The following LMNB2 variants were observed in gnomAD, a reference collection of about 807,000 sequenced individuals.
LMNB2 encodes the protein lamin B2.
In LMNB2, 17 loss-of-function variants were observed where a neutral mutation model predicts 69.3. The observed-to-expected ratio is 0.25, with a 90% CI of 0.17 to 0.37. LMNB2 has a LOEUF of 0.37. Ranked by LOEUF, LMNB2 falls within the 10% of genes least tolerant of loss-of-function variation. The pLI, the probability that LMNB2 is intolerant of heterozygous loss-of-function variation, is 1.00. For missense variants in LMNB2, 789 were observed against 883.6 expected (o/e 0.89, Z 1.36); for synonymous variants, 397 against 389.3 (o/e 1.02, Z -0.23).
intron 1 of LMNB2, among the ~76,000 whole-genome samples, chr19:2,449,855 C>G (rs571324582): frequency 6.6e-6 from 1 of 151,434 alleles, no homozygotes; most frequent in Non-Finnish European, 1.5e-5. Context: ...GCAGTTGGAT[C>G]ACCTGAGGTC....
In LMNB2 at chr19:2,430,707, C is replaced by T. The variant is rs1971728708; in HGVS notation, c.*204G>A. 1.5e-6 allele frequency: 1 copy of T among 655,896 alleles called. No individual in the cohort carries two copies. Among genetic ancestry groups the T allele is most frequent in the Admixed American group, 2.1e-5 (1 of 47,256 alleles). The allele number at this position is 655,896 out of a possible 1,614,324, so 40.6% of individuals were successfully genotyped here. On this transcript the variant is annotated 3_prime_UTR_variant, in exon 12 of 12. Coordinates refer to ENST00000325327, the MANE Select transcript of LMNB2 (RefSeq NM_032737.4). ...GAGGAGTGGGGTGGGATTGAAAAGT[C>T]TCCGGGGCAGCGGCGAAGTGGCAGC...
chr19:2,450,121 C>CATATATATATATATATATAT (rs944605865), intron 1 of LMNB2, among the ~76,000 whole-genome samples: 33 of 142,422 alleles, frequency 2.3e-4, no homozygotes, highest in African/African-American at 8.6e-4. Context: ...TATATATACA[C>CATATATATATATATATATAT]ATATATATAT....
At chr19:2,439,035 C>CT (rs397945879) in intron 2 of LMNB2, among the ~76,000 whole-genome samples, 3,338 of 65,616 alleles carry the variant, frequency 0.051, 596 homozygotes, top group East Asian at 0.082. Flanking sequence ...GGCACTTAAG[C>CT]TTTTTTTTTT....
intron 1 of LMNB2, among the ~76,000 whole-genome samples, chr19:2,452,279 A>G (rs892821017): frequency 8.5e-5 from 13 of 152,142 alleles, no homozygotes; most frequent in African/African-American, 2.9e-4. Context: ...GAAAGAAGTG[A>G]GCAAGTTAGC....
At position 2,456,879 on chromosome 19, in the gene LMNB2, C is replaced by T. The variant is rs3764582; in HGVS notation, c.55G>A (p.Ala19Thr). The change falls in exon 1 of 12, where the codon GCC becomes ACC. Residue 19 changes from alanine to threonine, a missense_variant. Ala to Thr is a moderately conservative substitution (Grantham distance 58). This residue lies in a region of LMNB2 where 35 missense variants were observed against 23.9 expected (regional missense o/e 1.47). Coordinates refer to ENST00000325327, the MANE Select transcript of LMNB2 (RefSeq NM_032737.4). Reference protein sequence around the residue: ...RREQRRPRAAATMATPLPGRA... With the variant: ...RREQRRPRAATTMATPLPGRA... ...CCGGGCAGCGGCGTGGCCATGGTGG[C>T]GGCGGCTCGCGGCCTGCGCTGCTCC... 27,175 of 1,089,934 alleles carry T rather than the reference C, an allele frequency of 0.025. 354 individuals carry two copies. The highest frequency in any genetic ancestry group is 0.1 in the East Asian group (1,634 of 16,410). The allele number at this position is 1,089,934 out of a possible 1,614,324, so 67.5% of individuals were successfully genotyped here. A position where few individuals can be genotyped will look rare whatever the true frequency, so the allele number is the denominator to read the frequency against.
At chr19:2,434,726 T>G in intron 6 of LMNB2, 62 bp downstream of exon 6, 1 of 1,558,264 alleles carries the variant, frequency 6.4e-7, no homozygotes, top group Non-Finnish European at 8.7e-7. Context: ...GCCCCGCACA[T>G]CCAGGGCAGG....
intron 4 of LMNB2, among the ~76,000 whole-genome samples, chr19:2,435,485 C>T (rs1971811508): frequency 6.6e-6 from 1 of 152,172 alleles, no homozygotes; most frequent in Non-Finnish European, 1.5e-5. Flanking sequence ...ATGAAATGTC[C>T]TGAAATGTCC....
chr19:2,433,961 T>G lies in LMNB2; in HGVS notation c.1347A>C (p.Pro449=), dbSNP rs1455237682. The G allele has an allele frequency of 2.5e-6, 4 of 1,611,302 alleles. No homozygotes were observed. The highest frequency in any genetic ancestry group is 1.3e-5 in the African/African-American group (1 of 74,918). ...CACCCGTGCCCGTGCCCAGGACGCT[T>G]GGGCCGCTGCCCAAGGGCTCCTCCA... ...LEVEEPLGSG[P]SVLGTGTGGS... Residue 449 remains proline, a synonymous_variant, in exon 8 of 12, where the codon CCA becomes CCC. Transcript: ENST00000325327.
intron 1 of LMNB2, among the ~76,000 whole-genome samples, chr19:2,455,701 G>A (rs1399851922): frequency 6.6e-6 from 1 of 152,124 alleles, no homozygotes; most frequent in Non-Finnish European, 1.5e-5. Context: ...ACCCCCTGGA[G>A]GTCCCCAAGA....
At position 2,435,155 on chromosome 19, in the gene LMNB2, C is replaced by T. The variant is rs761064508; in HGVS notation, c.701G>A (p.Arg234Gln). Reference protein sequence around the residue: ...SVFEEEVRETRRRHERRLVEV... With the variant: ...SVFEEEVRETQRRHERRLVEV... ...CACCAGGCGCCGCTCGTGCCGCCGCCGCGTCTCCCGCACCTCCTGCGGACC... is the reference window on the plus strand; with the variant it reads ...CACCAGGCGCCGCTCGTGCCGCCGCTGCGTCTCCCGCACCTCCTGCGGACC... The change falls in exon 5 of 12, where the codon CGG becomes CAG. Residue 234 changes from arginine to glutamine, a missense_variant. Coordinates refer to ENST00000325327, the MANE Select transcript of LMNB2 (RefSeq NM_032737.4). 11 of 1,602,824 alleles carry T rather than the reference C, an allele frequency of 6.9e-6. No homozygotes were observed. Among genetic ancestry groups the T allele is most frequent in the South Asian group, 2.2e-5 (2 of 91,042 alleles).
chr19:2,432,552 C>T lies in LMNB2; in HGVS notation c.1483-29G>A, dbSNP rs766745137. The stretch of plus-strand genomic sequence containing the variant: ...GAAGACACGGCACACACCTGACCCT[C>T]AGCCACCAGGACTGTGACACCGCCC... On this transcript the variant is annotated intron_variant, in intron 8 of 11. Coordinates refer to ENST00000325327, the MANE Select transcript of LMNB2 (RefSeq NM_032737.4). 3 of 1,580,664 alleles carry T rather than the reference C, an allele frequency of 1.9e-6. No homozygotes were observed. In the Admixed American group the frequency reaches 5.0e-5, roughly 26 times the overall value.
At chr19:2,442,265 G>C (rs959485543) in intron 2 of LMNB2, among the ~76,000 whole-genome samples, 2 of 152,132 alleles carry the variant, frequency 1.3e-5, no homozygotes, top group Admixed American at 1.3e-4. Context: ...AGACCAGCTT[G>C]AGCAACATAG....
intron 1 of LMNB2, among the ~76,000 whole-genome samples, chr19:2,454,392 TC>T (rs1972065983): frequency 6.6e-6 from 1 of 151,776 alleles, no homozygotes; most frequent in African/African-American, 2.4e-5. Context: ...TCTTTCAGGT[TC>T]CCTGTCCCCA....
In LMNB2 at chr19:2,443,488, T is replaced by C. The variant is rs1439190706; in HGVS notation, c.401+916A>G. Among the ~76,000 whole-genome samples, 1 of 148,204 alleles carries C rather than the reference T, an allele frequency of 6.7e-6. No homozygotes were observed. Among genetic ancestry groups the C allele is most frequent in the Non-Finnish European group, 1.5e-5 (1 of 66,588 alleles). ...TGGCTGCTGTCACCCCCGTACCAGG[T>C]GGCCGAGGTGCCACCCCTCCTGCCA... On this transcript the variant is annotated intron_variant, in intron 2 of 11. Transcript: ENST00000325327. This position sits in a 1 kb window ranked among gnomAD's most constrained non-coding sequence, Gnocchi z 6.2.
chr19:2,454,002 C>G (rs540007192), intron 1 of LMNB2, among the ~76,000 whole-genome samples: 1 of 152,242 alleles, frequency 6.6e-6, no homozygotes, highest in East Asian at 1.9e-4. Context: ...AATTGAAAAG[C>G]AGGGGACTGG....
chr19:2,431,761 C>A lies in LMNB2; in HGVS notation c.1710+22G>T. 2.5e-6 allele frequency: 4 copies of A among 1,613,786 alleles called. No homozygotes were observed. The East Asian group carries it at 8.9e-5, about 36-fold the overall frequency. On this transcript the variant is annotated intron_variant, in intron 10 of 11. Coordinates refer to ENST00000325327, the MANE Select transcript of LMNB2 (RefSeq NM_032737.4). ...CCTGCCCAGGACTCCAGCCGAGCAC[C>A]CCCCAAGCCACACACACCCACCTCG...
At position 2,456,923 on chromosome 19, in the gene LMNB2, G is replaced by A. The variant is rs1255813804; in HGVS notation, c.11C>T (p.Pro4Leu). Residue 4 changes from proline (P) to leucine (L), a missense_variant, in exon 1 of 12, where the codon CCG becomes CTG. This residue lies in a region of LMNB2 where 35 missense variants were observed against 23.9 expected (regional missense o/e 1.47). Transcript: ENST00000325327. The part of the protein sequence containing the change: MSP[P>L]SPGRRREQRR... ...CTGCTCCCGACGGCGGCCCGGGCTC[G>A]GCGGGCTCATTCAATCCGCGCCGCC... 62 of 994,224 alleles carry A rather than the reference G, an allele frequency of 6.2e-5. No individual in the cohort carries two copies. The African/African-American group carries it at 9.5e-4, about 15-fold the overall frequency. The allele number at this position is 994,224 out of a possible 1,614,324, so 61.6% of individuals were successfully genotyped here.
intron 2 of LMNB2, among the ~76,000 whole-genome samples, chr19:2,442,527 C>T (rs1357921298): frequency 6.6e-6 from 1 of 152,076 alleles, no homozygotes; most frequent in Admixed American, 6.6e-5. Context: ...CGAGATTGCA[C>T]CACTGCACTC....
At chr19:2,455,452 G>A (rs993053900) in intron 1 of LMNB2, among the ~76,000 whole-genome samples, 75 of 152,132 alleles carry the variant, frequency 4.9e-4, no homozygotes, top group African/African-American at 1.6e-3. Flanking sequence ...TCTGAGGGAC[G>A]AGGCATATGG....
Sources: gnomAD v4.1 joint callset for allele counts (sites outside exome capture counted in the v4.1 genomes callset) on GRCh38, gnomAD v4.1.1 for gene constraint, gnomAD v4.1.1 regional missense constraint, Gnocchi (gnomAD v3.1) non-coding constraint, MANE v1.5 for transcripts, NCBI Gene and HGNC (gene_info 2026-07-23, HGNC 2026-07-21) for gene names.